The following MACROD2 variants were observed in gnomAD, a reference collection of about 807,000 sequenced individuals.
MACROD2 encodes the protein mono-ADP ribosylhydrolase 2.
A neutral mutation model predicts 70.4 loss-of-function variants in MACROD2; 36 were observed. That is an observed-to-expected ratio of 0.51 (90% confidence interval 0.39 to 0.68). MACROD2 has a LOEUF of 0.68. Among genes scored for constraint, MACROD2 ranks in the 30% least tolerant of loss-of-function variants. The probability of loss-of-function intolerance (pLI) is 0.00; values close to 1 mark genes in which losing one functional copy is unlikely to be tolerated. For missense variants in MACROD2, 496 were observed against 538.4 expected (o/e 0.92, Z 0.78); for synonymous variants, 172 against 178.8 (o/e 0.96, Z 0.30).
Position 14,396,873 on chromosome 20 carries a change from T to C in MACROD2, c.272-96606T>C, listed in dbSNP as rs1307932393. 1.1e-4 allele frequency among the ~76,000 whole-genome samples: 14 copies of C among 129,042 alleles called. No homozygotes were observed. In the South Asian group the frequency reaches 3.6e-3, roughly 33 times the overall value. 84.7% of individuals were successfully genotyped at this position (129,042 alleles called of 152,430 possible). On this transcript the variant is annotated intron_variant, in intron 3 of 17. Coordinates refer to ENST00000684519, the MANE Select transcript of MACROD2 (RefSeq NM_001351661.2). ...CCAGGAGGTGGAGCTTGCAGTGAGC[T>C]GAGATCACACCACTGCACTCCAGCC...
chr20:14,842,002 T>C (rs2073092116), intron 5 of MACROD2, among the ~76,000 whole-genome samples: 1 of 151,530 alleles, frequency 6.6e-6, no homozygotes, highest in Non-Finnish European at 1.5e-5. Flanking sequence ...ACTAGGTAAC[T>C]TACAAAGAAA....
At chr20:14,577,749 T>C (rs930544763) in intron 4 of MACROD2, among the ~76,000 whole-genome samples, 12 of 130,036 alleles carry the variant, frequency 9.2e-5, no homozygotes, top group Admixed American at 8.2e-4. Flanking sequence ...ACCACTACAC[T>C]CCAGCCTGGG....
chr20:15,693,821 A>G (rs1009868394), intron 8 of MACROD2, among the ~76,000 whole-genome samples: 8 of 152,120 alleles, frequency 5.3e-5, no homozygotes, highest in Admixed American at 1.3e-4. Context: ...TCGCCTGAGC[A>G]GTACACACTC....
intron 3 of MACROD2, among the ~76,000 whole-genome samples, chr20:14,105,871 C>T (rs1003311609): frequency 6.6e-6 from 1 of 152,264 alleles, no homozygotes; most frequent in South Asian, 2.1e-4. Flanking sequence ...CCCTAACAGG[C>T]CAAAAGAGAA....
At chr20:14,172,815 G>A (rs1213991874) in intron 3 of MACROD2, among the ~76,000 whole-genome samples, 1 of 152,120 alleles carries the variant, frequency 6.6e-6, no homozygotes, top group Admixed American at 6.6e-5. Flanking sequence ...AAGATTTGGA[G>A]CTCCTTTTAG....
chr20:14,644,739 T>C (rs1019245213), intron 4 of MACROD2, among the ~76,000 whole-genome samples: 8 of 152,168 alleles, frequency 5.3e-5, no homozygotes, highest in Admixed American at 2.0e-4. Flanking sequence ...TTTGTTCCCC[T>C]TGCCTGAACT....
At chr20:14,146,445 G>C (rs2054944656) in intron 3 of MACROD2, among the ~76,000 whole-genome samples, 1 of 152,190 alleles carries the variant, frequency 6.6e-6, no homozygotes, top group African/African-American at 2.4e-5. Flanking sequence ...TTCTCCACTG[G>C]TTGCTGCTTG....
At chr20:14,724,789 T>A (rs1049483128) in intron 5 of MACROD2, among the ~76,000 whole-genome samples, 1 of 152,184 alleles carries the variant, frequency 6.6e-6, no homozygotes, top group South Asian at 2.1e-4. Flanking sequence ...TGTAGAGTCC[T>A]GTAAGCCAAG....
At chr20:14,997,626 C>T (rs1449899205) in intron 5 of MACROD2, among the ~76,000 whole-genome samples, 4 of 152,164 alleles carry the variant, frequency 2.6e-5, no homozygotes, top group Non-Finnish European at 2.9e-5. Flanking sequence ...CAAATTCATG[C>T]CCTTGCTTCT....
chr20:15,112,342 A>G (rs1336059304), intron 5 of MACROD2, among the ~76,000 whole-genome samples: 1 of 152,180 alleles, frequency 6.6e-6, no homozygotes, highest in Non-Finnish European at 1.5e-5. Flanking sequence ...AGGCTGAGAA[A>G]TTTTGATGAA....
At chr20:14,284,143 A>T (rs1376829869) in intron 3 of MACROD2, among the ~76,000 whole-genome samples, 5 of 152,150 alleles carry the variant, frequency 3.3e-5, no homozygotes, top group Non-Finnish European at 7.4e-5. Context: ...GTGTCTGTAG[A>T]TTGTTAGTAG....
intron 5 of MACROD2, among the ~76,000 whole-genome samples, chr20:14,954,493 T>C (rs1484086800): frequency 7.1e-6 from 1 of 141,438 alleles, no homozygotes; most frequent in Non-Finnish European, 1.5e-5. Context: ...ATATATAAAT[T>C]ATATATAATT....
At chr20:15,640,001 GAGAA>G (rs1274901398) in intron 8 of MACROD2, among the ~76,000 whole-genome samples, 2 of 148,976 alleles carry the variant, frequency 1.3e-5, no homozygotes, top group African/African-American at 5.1e-5. Flanking sequence ...GAGAAGGAGA[GAGAA>G]AGGGGATGAT....
intron 2 of MACROD2, among the ~76,000 whole-genome samples, chr20:14,035,486 T>C (rs889784842): frequency 6.6e-6 from 1 of 152,190 alleles, no homozygotes; most frequent in African/African-American, 2.4e-5. Context: ...GTGAGGATAA[T>C]TATTAATCTG....
intron 2 of MACROD2, among the ~76,000 whole-genome samples, chr20:14,075,241 A>T (rs1046471374): frequency 6.6e-6 from 1 of 152,220 alleles, no homozygotes; most frequent in Non-Finnish European, 1.5e-5. Context: ...AAGGAAAAAA[A>T]TTTGTGCTAG....
At chr20:14,891,001 C>CCCTT (rs1568857459) in intron 5 of MACROD2, among the ~76,000 whole-genome samples, 1 of 79,118 alleles carries the variant, frequency 1.3e-5, no homozygotes, top group Non-Finnish European at 2.6e-5. Context: ...CTCCCTCCCT[C>CCCTT]CCTCCCTTCC....
At chr20:14,360,712 A>G (rs1405054510) in intron 3 of MACROD2, among the ~76,000 whole-genome samples, 1 of 152,208 alleles carries the variant, frequency 6.6e-6, no homozygotes, top group Non-Finnish European at 1.5e-5. Context: ...TATTGCTGTA[A>G]TCAGGCATCT....
chr20:15,559,804 A>G (rs1337587131), intron 8 of MACROD2, among the ~76,000 whole-genome samples: 1 of 152,176 alleles, frequency 6.6e-6, no homozygotes, highest in East Asian at 1.9e-4. Flanking sequence ...CCCAATTCTC[A>G]ACAATCTATA....
At chr20:15,224,501 T>G (rs1157963951) in intron 5 of MACROD2, among the ~76,000 whole-genome samples, 4 of 152,202 alleles carry the variant, frequency 2.6e-5, no homozygotes, top group Non-Finnish European at 5.9e-5. Flanking sequence ...TTTGGGCACA[T>G]TATTCTGTCT....
Sources: gnomAD v4.1 joint callset for allele counts (sites outside exome capture counted in the v4.1 genomes callset) on GRCh38, gnomAD v4.1.1 for gene constraint, MANE v1.5 for transcripts, NCBI Gene and HGNC (gene_info 2026-07-23, HGNC 2026-07-21) for gene names.